The following IL17D variants were observed in gnomAD, a reference collection of about 807,000 sequenced individuals.
IL17D encodes the protein interleukin 17D.
In IL17D, 10 loss-of-function variants were observed where a neutral mutation model predicts 5.7. The observed-to-expected ratio is 1.75, with a 90% CI of 1.08 to 2.97. The LOEUF (loss-of-function observed/expected upper bound fraction) is 2.97, where lower values mean the gene tolerates loss of function less well. Ranked by LOEUF, IL17D falls within the 30% of genes most tolerant of loss-of-function variation. The probability of loss-of-function intolerance (pLI) is 0.00; values close to 1 mark genes in which losing one functional copy is unlikely to be tolerated. For missense variants in IL17D, 354 were observed against 292.7 expected (o/e 1.21, Z -1.53); for synonymous variants, 172 against 141.7 (o/e 1.21, Z -1.52).
In IL17D at chr13:20,716,941, C is replaced by T. The variant is rs1393584499; in HGVS notation, c.291-4695C>T. The stretch of plus-strand genomic sequence containing the variant: ...AACCAGCGCCCCAGCTATCCTTGGG[C>T]ATCAGTTAGAGGACACATCAGGTGG... On this transcript the variant is annotated intron_variant, in intron 1 of 1. Transcript: ENST00000682841. The surrounding 1 kb of genome is among the most constrained non-coding windows in gnomAD (Gnocchi z 4.2). Among the ~76,000 whole-genome samples the T allele has an allele frequency of 1.3e-5, 2 of 152,228 alleles. No individual in the cohort carries two copies. Among genetic ancestry groups the T allele is most frequent in the African/African-American group, 4.8e-5 (2 of 41,462 alleles).
chr13:20,712,981 C>A (rs960225700), intron 1 of IL17D: 16 of 150,234 alleles, frequency 1.1e-4, no homozygotes, highest in African/African-American at 3.4e-4. Flanking sequence ...CCCTTCTTTC[C>A]TTCCTTCCTT....
chr13:20,716,922 C>T lies in IL17D; in HGVS notation c.291-4714C>T, dbSNP rs1157677237. On this transcript the variant is annotated intron_variant, in intron 1 of 1. Coordinates refer to ENST00000682841, the MANE Select transcript of IL17D (RefSeq NM_001385224.1). The surrounding 1 kb of genome is among the most constrained non-coding windows in gnomAD (Gnocchi z 4.2). ...ACATCAAGGCGCGTGTGCCAACCAG[C>T]GCCCCAGCTATCCTTGGGCATCAGT... Among the ~76,000 whole-genome samples, 1 of 152,224 alleles carries T rather than the reference C, an allele frequency of 6.6e-6. No individual in the cohort carries two copies. Among genetic ancestry groups the T allele is most frequent in the East Asian group, 1.9e-4 (1 of 5,188 alleles).
At chr13:20,706,290 ATTC>A (rs1316888356) in intron 1 of IL17D, among the ~76,000 whole-genome samples, 6 of 152,224 alleles carry the variant, frequency 3.9e-5, no homozygotes, top group African/African-American at 1.4e-4. Flanking sequence ...GGACTACGGC[ATTC>A]TTCTTTCTCT....
At chr13:20,706,123 C>T (rs928639593) in intron 1 of IL17D, among the ~76,000 whole-genome samples, 11 of 152,148 alleles carry the variant, frequency 7.2e-5, no homozygotes, top group Non-Finnish European at 1.5e-4. Context: ...CCCTCAGAGC[C>T]CCTGCCCACG....
intron 1 of IL17D, among the ~76,000 whole-genome samples, chr13:20,718,952 CCA>C (rs1286142244): frequency 7.1e-6 from 1 of 141,670 alleles, no homozygotes; most frequent in Non-Finnish European, 1.5e-5. Flanking sequence ...ACACCTGCCT[CCA>C]CACACCTGCC....
At position 20,707,545 on chromosome 13, in the gene IL17D, C is replaced by A. The variant is rs534557195; in HGVS notation, c.290+3254C>A. On this transcript the variant is annotated intron_variant, in intron 1 of 1. Transcript: ENST00000682841. The stretch of plus-strand genomic sequence containing the variant: ...GGAAGGACAGGTTTTTTCTTTTAGA[C>A]AGAATCTCGCTCTGCCACCCAGCCT... 4.6e-5 allele frequency among the ~76,000 whole-genome samples: 7 copies of A among 151,144 alleles called. No homozygotes were observed. In the South Asian group the frequency reaches 1.5e-3, roughly 32 times the overall value.
At chr13:20,702,947 C>A (rs1043603827), upstream of IL17D, 3 of 152,278 alleles carry the variant, frequency 2.0e-5, no homozygotes, top group African/African-American at 4.8e-5. Flanking sequence ...TGAGCGCATT[C>A]CTCTTCCAGG....
At position 20,721,892 on chromosome 13, in the gene IL17D, A is replaced by T. The variant is rs745737463; in HGVS notation, c.547A>T (p.Ser183Cys). ...GAAGGACGCAGACAGCATCAACTCC[A>T]GCATCGACAAACAGGGCGCCAAGCT... ...PEKDADSINS[S>C]IDKQGAKLLL... The change falls in exon 2 of 2, where the codon AGC (serine) becomes TGC (cysteine). Residue 183 changes from serine (S) to cysteine (C), a missense_variant. Ser to Cys is a moderately radical substitution (Grantham distance 112). Coordinates refer to ENST00000682841, the MANE Select transcript of IL17D (RefSeq NM_001385224.1). 3 of 1,608,798 alleles carry T rather than the reference A, an allele frequency of 1.9e-6. No individual in the cohort carries two copies. The Admixed American group carries it at 5.0e-5, about 27-fold the overall frequency.
chr13:20,716,923 G>T lies in IL17D; in HGVS notation c.291-4713G>T, dbSNP rs973563655. ...CATCAAGGCGCGTGTGCCAACCAGC[G>T]CCCCAGCTATCCTTGGGCATCAGTT... On this transcript the variant is annotated intron_variant, in intron 1 of 1. Coordinates refer to ENST00000682841, the MANE Select transcript of IL17D (RefSeq NM_001385224.1). The surrounding 1 kb of genome is among the most constrained non-coding windows in gnomAD (Gnocchi z 4.2). 7.9e-5 allele frequency among the ~76,000 whole-genome samples: 12 copies of T among 152,178 alleles called. No homozygotes were observed. Among genetic ancestry groups the T allele is most frequent in the Non-Finnish European group, 1.2e-4 (8 of 68,024 alleles).
Position 20,704,230 on chromosome 13 carries a change from C to T in IL17D, c.229C>T (p.Pro77Ser). 1.5e-6 allele frequency: 2 copies of T among 1,328,550 alleles called. No individual in the cohort carries two copies. The highest frequency in any genetic ancestry group is 1.9e-6 in the Non-Finnish European group (2 of 1,040,168). 82.3% of individuals were successfully genotyped at this position (1,328,550 alleles called of 1,614,324 possible). Residue 77 changes from proline (P) to serine (S), a missense_variant, in exon 1 of 2, where the codon CCC becomes TCC. Physicochemically the swap from Pro to Ser is moderately conservative, Grantham distance 74. Transcript: ENST00000682841. ...CGCGAGCTGCCCGGCAGGGGGCAGG[C>T]CCGCCGACCGCCGCTTCCGGCCGCC... ...RNASCPAGGRPADRRFRPPTN... is the reference protein window; with the variant it reads ...RNASCPAGGRSADRRFRPPTN...
chr13:20,720,928 G>A (rs1365095146), intron 1 of IL17D, among the ~76,000 whole-genome samples: 1 of 143,690 alleles, frequency 7.0e-6, no homozygotes, highest in African/African-American at 2.6e-5. Context: ...CACGGAGGTG[G>A]CACTGGATCC....
At chr13:20,707,281 T>C (rs569867718) in intron 1 of IL17D, among the ~76,000 whole-genome samples, 32 of 151,530 alleles carry the variant, frequency 2.1e-4, no homozygotes, top group African/African-American at 3.9e-4. Flanking sequence ...CTGGGCAACA[T>C]AGTATGAGAC....
rs1469307511 is a variant in IL17D at position 20,716,907 on chromosome 13, G to A, written c.291-4729G>A. Among the ~76,000 whole-genome samples, 3 of 152,192 alleles carry A rather than the reference G, an allele frequency of 2.0e-5. No individual in the cohort carries two copies. The highest frequency in any genetic ancestry group is 7.2e-5 in the African/African-American group (3 of 41,448). On this transcript the variant is annotated intron_variant, in intron 1 of 1. Coordinates refer to ENST00000682841, the MANE Select transcript of IL17D (RefSeq NM_001385224.1). The surrounding 1 kb of genome is among the most constrained non-coding windows in gnomAD (Gnocchi z 4.2). ...GTGGGAGGGTGAGCCACATCAAGGC[G>A]CGTGTGCCAACCAGCGCCCCAGCTA...
intron 1 of IL17D, among the ~76,000 whole-genome samples, chr13:20,715,487 C>T (rs1182869250): frequency 5.9e-5 from 9 of 152,154 alleles, no homozygotes; most frequent in Admixed American, 5.2e-4. Context: ...TAGATAGATC[C>T]GAGCTTAGCC....
rs544010655 is a variant in IL17D, at chr13:20,719,241, G to A, written c.291-2395G>A. Among the ~76,000 whole-genome samples, 10 of 122,908 alleles carry A rather than the reference G, an allele frequency of 8.1e-5. No individual in the cohort carries two copies. In the South Asian group the frequency reaches 1.8e-3, roughly 22 times the overall value. The allele number at this position is 122,908 out of a possible 152,430, so 80.6% of individuals were successfully genotyped here. A position where few individuals can be genotyped will look rare whatever the true frequency, so the allele number is the denominator to read the frequency against. On this transcript the variant is annotated intron_variant, in intron 1 of 1. Transcript: ENST00000682841. ...TCACCACACACGCCCATGCTTACAC[G>A]CACCTGCCCAAACATGCCCACACAC...
At chr13:20,707,210 C>T (rs1415824637) in intron 1 of IL17D, among the ~76,000 whole-genome samples, 1 of 151,898 alleles carries the variant, frequency 6.6e-6, no homozygotes, top group Admixed American at 6.6e-5. Context: ...ACCTGTAAAT[C>T]CCCGGCTACT....
In IL17D at chr13:20,716,896, C is replaced by T. The variant is rs1029345771; in HGVS notation, c.291-4740C>T. Reference sequence around the variant, plus strand: ...TGTTTTGCAAGGTGGGAGGGTGAGCCACATCAAGGCGCGTGTGCCAACCAG... The same window carrying T: ...TGTTTTGCAAGGTGGGAGGGTGAGCTACATCAAGGCGCGTGTGCCAACCAG... On this transcript the variant is annotated intron_variant, in intron 1 of 1. Coordinates refer to ENST00000682841, the MANE Select transcript of IL17D (RefSeq NM_001385224.1). The surrounding 1 kb of genome is among the most constrained non-coding windows in gnomAD (Gnocchi z 4.2). Among the ~76,000 whole-genome samples, 7 of 152,174 alleles carry T rather than the reference C, an allele frequency of 4.6e-5. No individual in the cohort carries two copies. Among genetic ancestry groups the T allele is most frequent in the Admixed American group, 3.3e-4 (5 of 15,280 alleles).
chr13:20,709,921 A>G (rs775655181), intron 1 of IL17D, among the ~76,000 whole-genome samples: 3 of 152,124 alleles, frequency 2.0e-5, no homozygotes, highest in Non-Finnish European at 4.4e-5. Flanking sequence ...CACTGCAGAC[A>G]TCTGGATGGA....
chr13:20,721,837 C>A lies in IL17D; in HGVS notation c.492C>A (p.Pro164=). 1.2e-6 allele frequency: 2 copies of A among 1,610,698 alleles called. No individual in the cohort carries two copies. The highest frequency in any genetic ancestry group is 1.7e-6 in the Non-Finnish European group (2 of 1,179,810). ...ACACCGAGGCCTACGTCACCATCCC[C>A]GTGGGCTGCACCTGCGTCCCCGAGC... ...SVYTEAYVTI[P]VGCTCVPEPE... Residue 164 remains proline (P), a synonymous_variant, in exon 2 of 2, where the codon CCC becomes CCA. Transcript: ENST00000682841.
Sources: allele counts gnomAD v4.1 joint callset (sites outside exome capture counted in the v4.1 genomes callset), GRCh38; gene constraint gnomAD v4.1.1; non-coding constraint Gnocchi (gnomAD v3.1); transcripts MANE v1.5; gene names NCBI Gene and HGNC (gene_info 2026-07-23, HGNC 2026-07-21).